The following NR3C2 variants were observed in gnomAD, a reference collection of about 807,000 sequenced individuals.
The protein encoded by NR3C2 is nuclear receptor subfamily 3 group C member 2, also known as mineralocorticoid receptor.
Under a neutral mutation model 86.4 loss-of-function variants are expected in NR3C2, and 15 were observed. The observed-to-expected ratio is 0.17, with a 90% CI of 0.12 to 0.27. The LOEUF (loss-of-function observed/expected upper bound fraction) is 0.27. Ranked by LOEUF, NR3C2 falls within the 10% of genes least tolerant of loss-of-function variation. NR3C2 has a pLI of 1.00. For synonymous variants in NR3C2, 458 were observed against 450.5 expected (o/e 1.02, Z -0.21); for missense variants, 960 against 1,195.6 (o/e 0.80, Z 2.91).
intron 3 of NR3C2, among the ~76,000 whole-genome samples, chr4:148,258,833 G>A (rs1024115987): frequency 3.9e-5 from 6 of 152,134 alleles, no homozygotes; most frequent in African/African-American, 7.2e-5. Context: ...AATTTCCATC[G>A]GTGCTTAAGC....
rs1374942475 is a variant in NR3C2, at chr4:148,435,748, C to T, written c.1113G>A (p.Glu371=). ...CTTCCTCAGTCTTAGGAAAAGGGACCTCTTGAGCACCTTTCTCCTGCGTGT... is the reference window on the plus strand; with the variant it reads ...CTTCCTCAGTCTTAGGAAAAGGGACTTCTTGAGCACCTTTCTCCTGCGTGT... ...SPDTQEKGAQ[E]VPFPKTEEVE... is the part of the protein sequence containing the mutation. Residue 371 remains glutamate, a synonymous_variant, in exon 2 of 9, where the codon GAG becomes GAA. Coordinates refer to ENST00000358102, the MANE Select transcript of NR3C2 (RefSeq NM_000901.5). The T allele has an allele frequency of 1.9e-6, 3 of 1,614,146 alleles. No homozygotes were observed. In the Admixed American group the frequency reaches 5.0e-5, roughly 27 times the overall value.
At chr4:148,195,203 T>C (rs889067720) in intron 3 of NR3C2, among the ~76,000 whole-genome samples, 2 of 152,204 alleles carry the variant, frequency 1.3e-5, no homozygotes, top group African/African-American at 4.8e-5. Flanking sequence ...TAAACAAAAA[T>C]CCTACTGCAG....
At chr4:148,323,367 C>G (rs532019163) in intron 2 of NR3C2, among the ~76,000 whole-genome samples, 101 of 149,318 alleles carry the variant, frequency 6.8e-4, no homozygotes, top group Admixed American at 1.4e-3. Context: ...GTGGAGCCTA[C>G]AGAAGCAGGC....
chr4:148,346,989 A>G (rs1163028993), intron 2 of NR3C2, among the ~76,000 whole-genome samples: 1 of 152,144 alleles, frequency 6.6e-6, no homozygotes, highest in Non-Finnish European at 1.5e-5. Flanking sequence ...AACATGGAAT[A>G]AGCCGATAAA....
chr4:148,294,131 T>C (rs1204157785), intron 2 of NR3C2, among the ~76,000 whole-genome samples: 2 of 152,184 alleles, frequency 1.3e-5, no homozygotes, highest in East Asian at 1.9e-4. Flanking sequence ...CAAAAGGAGC[T>C]AGGTTCGAAT....
chr4:148,286,365 A>G (rs1741517796), intron 2 of NR3C2, among the ~76,000 whole-genome samples: 3 of 152,222 alleles, frequency 2.0e-5, no homozygotes. Flanking sequence ...CAGGCTGTAC[A>G]GAATTGAAAA....
intron 6 of NR3C2, chr4:148,146,357 C>T (rs569850477): frequency 6.5e-6 from 1 of 152,816 alleles, no homozygotes; most frequent in East Asian, 1.9e-4. Flanking sequence ...ATGCCAGCCT[C>T]CACCACGGTG....
chr4:148,340,197 T>C (rs1272219791), intron 2 of NR3C2, among the ~76,000 whole-genome samples: 1 of 152,138 alleles, frequency 6.6e-6, no homozygotes, highest in Non-Finnish European at 1.5e-5. Context: ...AGACTCCGAA[T>C]AGTCAAAGTA....
intron 2 of NR3C2, among the ~76,000 whole-genome samples, chr4:148,341,505 A>G (rs528421883): frequency 6.6e-6 from 1 of 152,276 alleles, no homozygotes; most frequent in Admixed American, 6.5e-5. Flanking sequence ...ACAAATATAC[A>G]GTTAGATAAA....
At chr4:148,354,987 A>G (rs993980723) in intron 2 of NR3C2, among the ~76,000 whole-genome samples, 1 of 152,204 alleles carries the variant, frequency 6.6e-6, no homozygotes, top group African/African-American at 2.4e-5. Context: ...AAAAATAAAT[A>G]TAGCTCACAA....
intron 3 of NR3C2, among the ~76,000 whole-genome samples, chr4:148,255,184 G>C (rs1342342408): frequency 6.6e-6 from 1 of 152,094 alleles, no homozygotes; most frequent in East Asian, 1.9e-4. Flanking sequence ...TTATGACACA[G>C]TGAAACACAC....
intron 2 of NR3C2, among the ~76,000 whole-genome samples, chr4:148,309,763 T>C (rs1007568726): frequency 6.6e-6 from 1 of 152,224 alleles, no homozygotes; most frequent in Non-Finnish European, 1.5e-5. Flanking sequence ...TGAAAGATTA[T>C]GGGGATTGTC....
intron 2 of NR3C2, among the ~76,000 whole-genome samples, chr4:148,349,228 T>C (rs1745150006): frequency 6.6e-6 from 1 of 152,108 alleles, no homozygotes; most frequent in South Asian, 2.1e-4. Flanking sequence ...TTGTTGAAAA[T>C]TCCAGTACAA....
rs568997039 is a variant in NR3C2 at position 148,400,555 on chromosome 4, C to T, written c.1757+34549G>A. Reference sequence around the variant, plus strand: ...CAGCACTTTGGGAGGCTGAGGCGGGCGGATCATAAGGTCAGGAGTTCGAGA... The same window carrying T: ...CAGCACTTTGGGAGGCTGAGGCGGGTGGATCATAAGGTCAGGAGTTCGAGA... On this transcript the variant is annotated intron_variant, in intron 2 of 8. Transcript: ENST00000358102. Among the ~76,000 whole-genome samples the T allele has an allele frequency of 1.6e-4, 24 of 151,830 alleles. 1 individual carries two copies. In the South Asian group the frequency reaches 3.3e-3, roughly 21 times the overall value.
At chr4:148,280,390 C>T (rs142728275) in intron 2 of NR3C2, among the ~76,000 whole-genome samples, 47 of 151,964 alleles carry the variant, frequency 3.1e-4, no homozygotes, top group African/African-American at 6.8e-4. Flanking sequence ...CAAGCAATAC[C>T]GAAAAGAATG....
At chr4:148,160,656 C>A (rs145852133) in intron 4 of NR3C2, among the ~76,000 whole-genome samples, 50 of 152,096 alleles carry the variant, frequency 3.3e-4, no homozygotes, top group African/African-American at 9.2e-4. Context: ...TGCCATGTCT[C>A]GAAATTTTAG....
chr4:148,114,487 C>A (rs1351128665), intron 7 of NR3C2, among the ~76,000 whole-genome samples: 3 of 152,210 alleles, frequency 2.0e-5, no homozygotes, highest in Non-Finnish European at 4.4e-5. Context: ...CAGACTAGTT[C>A]ACTTAACCCT....
At position 148,079,777 on chromosome 4, in the gene NR3C2, AC is replaced by A. The variant is rs2149700150; in HGVS notation, c.*1566del. ...TGTATAAAACTTATTTTTAAAACCT[AC>A]CTTTTAAAAATCTAAAACCCCTCTA... On this transcript the variant is annotated 3_prime_UTR_variant, in exon 9 of 9. Coordinates refer to ENST00000358102, the MANE Select transcript of NR3C2 (RefSeq NM_000901.5). The A allele has an allele frequency of 6.5e-6, 1 of 152,684 alleles. No homozygotes were observed. Among genetic ancestry groups the A allele is most frequent in the South Asian group, 2.1e-4 (1 of 4,832 alleles). The allele number at this position is 152,684 out of a possible 1,614,324, so 9.5% of individuals were successfully genotyped here.
chr4:148,178,315 A>G (rs979152200), intron 4 of NR3C2, among the ~76,000 whole-genome samples: 3 of 151,828 alleles, frequency 2.0e-5, no homozygotes, highest in Non-Finnish European at 4.4e-5. Context: ...TGGGCAACAG[A>G]GTGAGACTCT....
Sources: gnomAD v4.1 joint callset for allele counts (sites outside exome capture counted in the v4.1 genomes callset) on GRCh38, gnomAD v4.1.1 for gene constraint, MANE v1.5 for transcripts, NCBI Gene and HGNC (gene_info 2026-07-23, HGNC 2026-07-21) for gene names.